Variants in FOXP2 observed in about 807,000 individuals in gnomAD.
FOXP2 encodes the protein forkhead box protein P2.
In FOXP2, 12 loss-of-function variants were observed where a neutral mutation model predicts 115.8. The ratio of observed to expected loss-of-function variants is 0.10; its 90% CI spans 0.07 to 0.17. The LOEUF is 0.17. FOXP2 is among the 10% of genes least tolerant of loss of function. The pLI is 1.00. For missense variants in FOXP2, 629 were observed against 843.5 expected, an observed-to-expected ratio of 0.75 and a Z score of 3.15; for synonymous variants, 328 against 297.7, an observed-to-expected ratio of 1.10 and a Z score of -1.05.
intron 2 of FOXP2, among the ~76,000 whole-genome samples, chr7:114,488,007 A>G (rs1451544271): frequency 6.6e-6 from 1 of 152,176 alleles, no homozygotes; most frequent in Admixed American, 6.6e-5. Context: ...GTATTAGTCA[A>G]TTCTCATGCT....
intron 2 of FOXP2, among the ~76,000 whole-genome samples, chr7:114,329,812 G>T (rs1797654601): frequency 1.3e-5 from 2 of 151,966 alleles, no homozygotes; most frequent in Admixed American, 1.3e-4. Flanking sequence ...AAGTCGCTGG[G>T]ATTACAGGCA....
chr7:114,517,429 T>G (rs1394859281), intron 2 of FOXP2, among the ~76,000 whole-genome samples: 1 of 152,200 alleles, frequency 6.6e-6, no homozygotes, highest in African/African-American at 2.4e-5. Flanking sequence ...CATCAATGTC[T>G]TGGAACTTTC....
At chr7:114,336,672 T>C (rs1395583443) in intron 2 of FOXP2, among the ~76,000 whole-genome samples, 1 of 151,420 alleles carries the variant, frequency 6.6e-6, no homozygotes, top group African/African-American at 2.4e-5. Context: ...ATTTAAATAA[T>C]GATATTGAGG....
intron 9 of FOXP2, among the ~76,000 whole-genome samples, chr7:114,653,185 A>T (rs1245833056): frequency 6.6e-6 from 1 of 152,218 alleles, no homozygotes; most frequent in Non-Finnish European, 1.5e-5. Context: ...GAACACAAAA[A>T]GCACCATCAC....
intron 1 of FOXP2, among the ~76,000 whole-genome samples, chr7:114,118,975 C>T (rs961124511): frequency 1.5e-4 from 23 of 152,136 alleles, no homozygotes; most frequent in African/African-American, 5.3e-4. Flanking sequence ...CCACAATTCT[C>T]AAAGTGGTTG....
At chr7:114,426,134 G>C (rs1023267741) in intron 1 of FOXP2, among the ~76,000 whole-genome samples, 7 of 151,568 alleles carry the variant, frequency 4.6e-5, no homozygotes, top group African/African-American at 1.7e-4. Context: ...GTCATCCATG[G>C]TTGTCAAAGG....
intron 1 of FOXP2, among the ~76,000 whole-genome samples, chr7:114,202,641 A>G (rs1794097047): frequency 6.6e-6 from 1 of 152,188 alleles, no homozygotes; most frequent in Non-Finnish European, 1.5e-5. Context: ...TGGTATTGGA[A>G]ACCTGGTTAA....
chr7:114,670,234 A>G (rs59220262), intron 16 of FOXP2, among the ~76,000 whole-genome samples: 2,563 of 152,146 alleles, frequency 0.017, 69 homozygotes, highest in African/African-American at 0.058. Flanking sequence ...TCTTTTATAT[A>G]GAACGTTAAT....
chr7:114,139,403 A>G (rs996619635), intron 1 of FOXP2, among the ~76,000 whole-genome samples: 5 of 152,200 alleles, frequency 3.3e-5, no homozygotes, highest in Admixed American at 2.6e-4. Flanking sequence ...GGTATAAAAC[A>G]TAATAAAAAA....
intron 1 of FOXP2, among the ~76,000 whole-genome samples, chr7:114,092,038 C>G (rs1281821216): frequency 6.6e-6 from 1 of 151,786 alleles, no homozygotes; most frequent in African/African-American, 2.4e-5. Flanking sequence ...TTTTTTTCTG[C>G]TGTGGCAAAT....
intron 1 of FOXP2, among the ~76,000 whole-genome samples, chr7:114,164,961 C>G (rs1730498792): frequency 8.2e-6 from 1 of 121,444 alleles, no homozygotes; most frequent in African/African-American, 3.0e-5. Flanking sequence ...CCTCTACCCC[C>G]CAAAATTATA....
chr7:114,662,251 T>C (rs1282599854), intron 14 of FOXP2, 65 bp downstream of exon 14: 3 of 1,604,516 alleles, frequency 1.9e-6, no homozygotes, highest in Non-Finnish European at 8.5e-7. Flanking sequence ...ATACTTTAAG[T>C]TGGGGCTGGG....
chr7:114,094,693 G>A (rs913711900), intron 1 of FOXP2, among the ~76,000 whole-genome samples: 4 of 151,772 alleles, frequency 2.6e-5, no homozygotes, highest in Admixed American at 1.3e-4. Context: ...ACAGAGTCTC[G>A]CTCTATTGAC....
At chr7:114,607,542 T>G (rs1469028453) in intron 3 of FOXP2, among the ~76,000 whole-genome samples, 1 of 152,204 alleles carries the variant, frequency 6.6e-6, no homozygotes, top group Non-Finnish European at 1.5e-5. Flanking sequence ...GCAGAGACAT[T>G]AAAATATAAT....
chr7:114,270,786 G>C (rs1796015304), intron 1 of FOXP2, among the ~76,000 whole-genome samples: 1 of 152,054 alleles, frequency 6.6e-6, no homozygotes, highest in Non-Finnish European at 1.5e-5. Context: ...TGTCTTGACA[G>C]TGTTTTTATG....
intron 2 of FOXP2, among the ~76,000 whole-genome samples, chr7:114,317,259 A>C (rs1031158123): frequency 7.2e-5 from 11 of 152,228 alleles, no homozygotes; most frequent in African/African-American, 2.7e-4. Flanking sequence ...CACTGGAGCT[A>C]TAACACACCT....
chr7:114,298,954 C>A (rs140145565), intron 2 of FOXP2, among the ~76,000 whole-genome samples: 1 of 152,128 alleles, frequency 6.6e-6, no homozygotes. Context: ...ATGAACCATA[C>A]GTACAAAATT....
rs1298923416 is a variant in FOXP2 at position 114,415,028 on chromosome 7, C to A, written c.-343C>A. 19 of 452,944 alleles carry A rather than the reference C, an allele frequency of 4.2e-5. No homozygotes were observed. The Admixed American group carries it at 4.5e-4, about 11-fold the overall frequency. The allele number at this position is 452,944 out of a possible 1,614,324, so 28.1% of individuals were successfully genotyped here. On this transcript the variant is annotated 5_prime_UTR_variant, in exon 1 of 17. Coordinates refer to ENST00000350908, the MANE Select transcript of FOXP2 (RefSeq NM_014491.4). ...CCTTTGTCACCCCTCACGTTGCACA[C>A]CAAAGACATACCCTAGTGATTAAAT... is the stretch of plus-strand genomic sequence containing the variant.
Position 114,198,573 on chromosome 7 carries a change from C to T in FOXP2, c.-102+35485C>T, listed in dbSNP as rs551717869. Among the ~76,000 whole-genome samples, 6 of 152,268 alleles carry T rather than the reference C, an allele frequency of 3.9e-5. No homozygotes were observed. The East Asian group carries it at 9.7e-4, about 24-fold the overall frequency. On this transcript the variant is annotated intron_variant, in intron 1 of 17. Transcript: ENST00000634411. ...ATAGGGCTCGCACTTCCGTGGGAAT[C>T]GAATGCTGCTGCTGATCTGACGGGA...
Sources: gnomAD v4.1 joint callset for allele counts (sites outside exome capture counted in the v4.1 genomes callset) on GRCh38, gnomAD v4.1.1 for gene constraint, MANE v1.5 for transcripts, NCBI Gene and HGNC (gene_info 2026-07-23, HGNC 2026-07-21) for gene names.